Variants in STXBP4 observed in about 807,000 individuals in gnomAD.
STXBP4 encodes the protein syntaxin-binding protein 4.
STXBP4 carries 55 observed loss-of-function variants against 76.1 expected under a neutral mutation model. The ratio of observed to expected loss-of-function variants is 0.72; its 90% confidence interval spans 0.58 to 0.91. The LOEUF is 0.91. STXBP4 is among the 40% of genes least tolerant of loss of function. The probability of loss-of-function intolerance (pLI) is 0.00; values close to 1 mark genes in which losing one functional copy is unlikely to be tolerated. For synonymous variants in STXBP4, 201 were observed against 220.2 expected, an observed-to-expected ratio of 0.91 and a Z score of 0.77; for missense variants, 618 against 636.9, an observed-to-expected ratio of 0.97 and a Z score of 0.32.
chr17:55,032,897 C>T (rs1318273007), intron 9 of STXBP4, among the ~76,000 whole-genome samples: 3 of 152,116 alleles, frequency 2.0e-5, no homozygotes, highest in Non-Finnish European at 4.4e-5. Flanking sequence ...GTTGACAAAG[C>T]AAGTTACACA....
At chr17:54,994,877 T>C (rs2077775530) in intron 4 of STXBP4, among the ~76,000 whole-genome samples, 1 of 151,960 alleles carries the variant, frequency 6.6e-6, no homozygotes, top group African/African-American at 2.4e-5. Flanking sequence ...CTTTCCCCCA[T>C]TATTTCCAGT....
chr17:55,017,433 G>A (rs943250910), intron 8 of STXBP4, among the ~76,000 whole-genome samples: 3 of 152,182 alleles, frequency 2.0e-5, no homozygotes, highest in African/African-American at 4.8e-5. Flanking sequence ...GCCTAAGGAC[G>A]CAGCAGCGTA....
chr17:55,134,410 A>G (rs1236238449), intron 16 of STXBP4, among the ~76,000 whole-genome samples: 2 of 137,474 alleles, frequency 1.5e-5, no homozygotes, highest in African/African-American at 5.6e-5. Flanking sequence ...CTTGATGTAC[A>G]GTAGATGTAA....
intron 4 of STXBP4, among the ~76,000 whole-genome samples, chr17:54,996,662 T>C (rs1049612487): frequency 5.3e-5 from 8 of 152,150 alleles, no homozygotes; most frequent in Non-Finnish European, 1.0e-4. Flanking sequence ...TCATAAAAGC[T>C]GAACAACTTG....
intron 4 of STXBP4, among the ~76,000 whole-genome samples, chr17:54,998,098 C>T (rs1195897500): frequency 6.6e-6 from 1 of 152,012 alleles, no homozygotes; most frequent in East Asian, 1.9e-4. Context: ...GATAGTACTT[C>T]ATGTCTTTTT....
intron 12 of STXBP4, among the ~76,000 whole-genome samples, chr17:55,059,143 A>G (rs1482916197): frequency 6.6e-6 from 1 of 152,064 alleles, no homozygotes; most frequent in Non-Finnish European, 1.5e-5. Context: ...ATTTTTACTA[A>G]ATACAAAAAA....
intron 8 of STXBP4, among the ~76,000 whole-genome samples, chr17:55,022,063 G>C (rs1229643075): frequency 6.7e-6 from 1 of 150,352 alleles, no homozygotes; most frequent in Non-Finnish European, 1.5e-5. Flanking sequence ...TAAGAGCTGT[G>C]TTCATTGACA....
At chr17:55,150,887 A>G (rs56301162) in intron 17 of STXBP4, among the ~76,000 whole-genome samples, 46,380 of 152,110 alleles carry the variant, frequency 0.3, 7,334 homozygotes, top group African/African-American at 0.35. Flanking sequence ...CTAATCAACT[A>G]ACCTTAAAAT....
intron 10 of STXBP4, 119 bp from the exon 11 acceptor site, chr17:55,043,114 TAAG>T: frequency 4.6e-6 from 2 of 432,554 alleles, no homozygotes; most frequent in Non-Finnish European, 8.0e-6. Context: ...GACTCCAACA[TAAG>T]AAACTGAATT....
chr17:55,100,922 T>C (rs2628326), intron 16 of STXBP4, among the ~76,000 whole-genome samples: 54,742 of 151,958 alleles, frequency 0.36, 10,722 homozygotes, highest in East Asian at 0.54. Context: ...GACAAGGAGC[T>C]GAGGACAGTC....
downstream of STXBP4, among the ~76,000 whole-genome samples, chr17:55,178,005 G>A (rs2080437226): frequency 6.6e-6 from 1 of 152,082 alleles, no homozygotes; most frequent in Non-Finnish European, 1.5e-5. Flanking sequence ...CCTCTCCCTG[G>A]GTTGTGCAGA....
intron 16 of STXBP4, among the ~76,000 whole-genome samples, chr17:55,128,022 T>C (rs577939621): frequency 9.2e-4 from 140 of 152,318 alleles, no homozygotes; most frequent in African/African-American, 3.3e-3. Context: ...CCTTACCCTG[T>C]TGTCAAAATC....
At chr17:55,155,235 A>G (rs531481999) in intron 17 of STXBP4, among the ~76,000 whole-genome samples, 1 of 152,230 alleles carries the variant, frequency 6.6e-6, no homozygotes, top group African/African-American at 2.4e-5. Context: ...CAGTGTTTAT[A>G]TAAGATTATA....
chr17:54,968,990 C>A (rs866904140), intron 1 of STXBP4, among the ~76,000 whole-genome samples, 175 bp downstream of exon 1: 1 of 152,166 alleles, frequency 6.6e-6, no homozygotes, highest in South Asian at 2.1e-4. Flanking sequence ...CCGGCAGCCC[C>A]GGCGACGCTC....
chr17:55,032,873 A>G (rs768178410), intron 9 of STXBP4, among the ~76,000 whole-genome samples: 1 of 152,170 alleles, frequency 6.6e-6, no homozygotes, highest in Non-Finnish European at 1.5e-5. Flanking sequence ...ATTGCCCTGT[A>G]GTGAAAGCTG....
chr17:55,063,259 C>G (rs748050811), intron 12 of STXBP4, among the ~76,000 whole-genome samples: 7 of 152,148 alleles, frequency 4.6e-5, no homozygotes, highest in Non-Finnish European at 8.8e-5. Context: ...AGTTGTTTGT[C>G]TTTTTAATTG....
At chr17:55,190,019 G>T in the STXBP4 span, among the ~76,000 whole-genome samples, 7 of 152,294 alleles carry the variant, frequency 4.6e-5, 1 homozygote, top group South Asian at 6.2e-4. Context: ...CTGGAGAAAA[G>T]AATTGATAGG....
At chr17:55,159,252 A>C (rs147705918) in intron 17 of STXBP4, among the ~76,000 whole-genome samples, 2 of 145,266 alleles carry the variant, frequency 1.4e-5, no homozygotes, top group Admixed American at 6.7e-5. Flanking sequence ...TCTCAAATAC[A>C]TAAATAAATA....
At chr17:54,995,510 C>T (rs2077786364) in intron 4 of STXBP4, among the ~76,000 whole-genome samples, 1 of 152,112 alleles carries the variant, frequency 6.6e-6, no homozygotes, top group Admixed American at 6.5e-5. Flanking sequence ...ATGCATATAT[C>T]GGTATGTAAT....
Sources: gnomAD v4.1 joint callset for allele counts (sites outside exome capture counted in the v4.1 genomes callset) on GRCh38, gnomAD v4.1.1 for gene constraint, MANE v1.5 for transcripts, NCBI Gene and HGNC (gene_info 2026-07-23, HGNC 2026-07-21) for gene names.